AGTPBP1: variants seen among roughly 807,000 people sequenced by gnomAD.
AGTPBP1 encodes the protein cytosolic carboxypeptidase 1.
Under a neutral mutation model 143.9 loss-of-function variants are expected in AGTPBP1, and 70 were observed. The ratio of observed to expected loss-of-function variants is 0.49; its 90% CI spans 0.40 to 0.59. The LOEUF is 0.59. Among genes scored for constraint, AGTPBP1 ranks in the 20% least tolerant of loss-of-function variants. The pLI is 0.00. For missense variants in AGTPBP1, 1,229 were observed against 1,464.5 expected (o/e 0.84, Z 2.62); for synonymous variants, 463 against 500.2 (o/e 0.93, Z 0.99).
the AGTPBP1 span, among the ~76,000 whole-genome samples, chr9:85,798,412 G>T: frequency 6.7e-6 from 1 of 148,892 alleles, no homozygotes; most frequent in South Asian, 2.1e-4. Context: ...TTGTTTCCTA[G>T]GCTGGAGTGT....
At chr9:85,651,949 C>T (rs796424975) in intron 11 of AGTPBP1, among the ~76,000 whole-genome samples, 16 of 152,300 alleles carry the variant, frequency 1.1e-4, no homozygotes, top group African/African-American at 3.8e-4. Flanking sequence ...TCCTGGCACA[C>T]AGCTGCTAAA....
chr9:85,562,759 G>A (rs1446428455), intron 25 of AGTPBP1, among the ~76,000 whole-genome samples: 1 of 152,112 alleles, frequency 6.6e-6, no homozygotes, highest in African/African-American at 2.4e-5. Context: ...CAAAAAACCT[G>A]ATGGTTCACA....
chr9:85,746,711 T>C (rs1588024752), upstream of AGTPBP1, among the ~76,000 whole-genome samples: 1 of 151,814 alleles, frequency 6.6e-6, no homozygotes, highest in East Asian at 1.9e-4. Flanking sequence ...GACTATTGTA[T>C]ACTGGAAATT....
intron 8 of AGTPBP1, among the ~76,000 whole-genome samples, chr9:85,666,223 A>C (rs1834122463): frequency 6.6e-6 from 1 of 152,138 alleles, no homozygotes; most frequent in Admixed American, 6.6e-5. Flanking sequence ...TTCCAAACCT[A>C]TGGGGAAACT....
intron 24 of AGTPBP1, among the ~76,000 whole-genome samples, chr9:85,576,282 T>C (rs1382076545): frequency 6.6e-6 from 1 of 152,182 alleles, no homozygotes; most frequent in Non-Finnish European, 1.5e-5. Context: ...GTTGTAGGTG[T>C]AGATTACAGC....
At chr9:85,654,170 GT>G (rs912986910) in intron 11 of AGTPBP1, among the ~76,000 whole-genome samples, 9 of 151,210 alleles carry the variant, frequency 6.0e-5, no homozygotes, top group Admixed American at 3.3e-4. Flanking sequence ...AAGAATCTTC[GT>G]TTTTTTTCTC....
rs1267080275 is a variant in AGTPBP1 at position 85,661,041 on chromosome 9, A to G, written c.663-68T>C. 3.8e-5 allele frequency: 50 copies of G among 1,320,304 alleles called. 2 individuals are homozygous for G. Among genetic ancestry groups the G allele is most frequent in the Non-Finnish European group, 5.2e-5 (50 of 957,852 alleles). 81.8% of individuals were successfully genotyped at this position (1,320,304 alleles called of 1,614,324 possible). Reference sequence around the variant, plus strand: ...AAAATTAATCTACAATAGTAAATTCATACAATCTTTTTCAATAAGTCATTA... The same window carrying G: ...AAAATTAATCTACAATAGTAAATTCGTACAATCTTTTTCAATAAGTCATTA... On this transcript the variant is annotated intron_variant, in intron 8 of 25. Transcript: ENST00000357081.
chr9:85,753,395 G>A, the AGTPBP1 span: 8 of 1,613,850 alleles, frequency 5.0e-6, no homozygotes, highest in South Asian at 5.5e-5. Context: ...GAAAAGGTTC[G>A]TTTGGAAGTA....
chr9:85,629,569 G>A (rs1283365165), intron 14 of AGTPBP1, among the ~76,000 whole-genome samples: 1 of 152,176 alleles, frequency 6.6e-6, no homozygotes, highest in African/African-American at 2.4e-5. Context: ...GCTCAAAGAG[G>A]ACAGAGGTCA....
chr9:85,639,368 C>T lies in AGTPBP1; in HGVS notation c.1302+3459G>A, dbSNP rs1268570279. 7.7e-5 allele frequency among the ~76,000 whole-genome samples: 3 copies of T among 38,974 alleles called. No homozygotes were observed. In the East Asian group the frequency reaches 0.026, roughly 342 times the overall value. The allele number at this position is 38,974 out of a possible 152,430, so 25.6% of individuals were successfully genotyped here. A position where few individuals can be genotyped will look rare whatever the true frequency, so the allele number is the denominator to read the frequency against. ...ACACACACCCATGCGCGCGCACGCG[C>T]ACACACACACACACACACACACACA... On this transcript the variant is annotated intron_variant, in intron 13 of 25. Coordinates refer to ENST00000357081, the MANE Select transcript of AGTPBP1 (RefSeq NM_001330701.2).
At chr9:85,609,649 C>G (rs939740342) in intron 17 of AGTPBP1, among the ~76,000 whole-genome samples, 2 of 152,122 alleles carry the variant, frequency 1.3e-5, no homozygotes, top group Non-Finnish European at 2.9e-5. Context: ...TGGCAGATTT[C>G]ATTCAGGGGT....
chr9:85,601,491 T>C lies in AGTPBP1; in HGVS notation c.2336-5042A>G, dbSNP rs113239441. On this transcript the variant is annotated intron_variant, in intron 17 of 25. Transcript: ENST00000357081. ...AGGGGTCTGCGGATGGGCCACCTCATCTGCCACTACCACCACAGCTGGCAC... is the reference window on the plus strand; with the variant it reads ...AGGGGTCTGCGGATGGGCCACCTCACCTGCCACTACCACCACAGCTGGCAC... Among the ~76,000 whole-genome samples the C allele has an allele frequency of 1.3e-4, 20 of 152,214 alleles. 1 individual carries two copies. The highest frequency in any genetic ancestry group is 4.8e-4 in the African/African-American group (20 of 41,546).
chr9:85,662,501 A>T (rs1833906900), intron 8 of AGTPBP1, among the ~76,000 whole-genome samples: 1 of 152,182 alleles, frequency 6.6e-6, no homozygotes, highest in Admixed American at 6.5e-5. Flanking sequence ...CTATGAGAAT[A>T]AGGATAGCTT....
At chr9:85,645,794 C>T (rs1396730389) in intron 12 of AGTPBP1, among the ~76,000 whole-genome samples, 2 of 152,054 alleles carry the variant, frequency 1.3e-5, no homozygotes, top group Admixed American at 6.5e-5. Flanking sequence ...AATGAAACTC[C>T]GAAAACTTAC....
chr9:85,575,795 T>C (rs545763410), intron 24 of AGTPBP1, among the ~76,000 whole-genome samples: 1 of 152,190 alleles, frequency 6.6e-6, no homozygotes. Context: ...TGTGACAAAC[T>C]GTATTTTAAC....
chr9:85,554,861 A>G (rs1437436615), intron 25 of AGTPBP1, among the ~76,000 whole-genome samples: 1 of 152,228 alleles, frequency 6.6e-6, no homozygotes, highest in Non-Finnish European at 1.5e-5. Context: ...GAATTTCACC[A>G]TCTATTAATC....
the AGTPBP1 span, among the ~76,000 whole-genome samples, chr9:85,754,772 A>T: frequency 2.0e-5 from 3 of 152,160 alleles, no homozygotes; most frequent in East Asian, 5.8e-4. Flanking sequence ...TAATAGTGAC[A>T]TGGGTGCATT....
the AGTPBP1 span, among the ~76,000 whole-genome samples, chr9:85,804,451 T>A: frequency 6.6e-6 from 1 of 152,240 alleles, no homozygotes; most frequent in East Asian, 1.9e-4. Flanking sequence ...GGCAGTACTC[T>A]GCCACTTTTC....
At chr9:85,625,959 T>C (rs1026731475) in intron 14 of AGTPBP1, among the ~76,000 whole-genome samples, 2 of 128,716 alleles carry the variant, frequency 1.6e-5, no homozygotes, top group African/African-American at 5.7e-5. Context: ...AGAAAATAAA[T>C]CAAAATGTTA....
Sources: gnomAD v4.1 joint callset for allele counts (sites outside exome capture counted in the v4.1 genomes callset) on GRCh38, gnomAD v4.1.1 for gene constraint, MANE v1.5 for transcripts, NCBI Gene and HGNC (gene_info 2026-07-23, HGNC 2026-07-21) for gene names.